Variants in SLK observed in about 807,000 individuals in gnomAD.
The protein encoded by SLK is STE20 like kinase.
In SLK, 67 loss-of-function variants were observed where a neutral mutation model predicts 147.7. That is an observed-to-expected ratio of 0.45 (90% CI 0.37 to 0.56). SLK has a LOEUF of 0.56. SLK is among the 20% of genes least tolerant of loss of function. SLK has a pLI of 0.00. For missense variants in SLK, 1,136 were observed against 1,438.8 expected, an observed-to-expected ratio of 0.79 and a Z score of 3.41; for synonymous variants, 441 against 475.0, an observed-to-expected ratio of 0.93 and a Z score of 0.93.
intron 1 of SLK, among the ~76,000 whole-genome samples, chr10:103,987,431 TTAAG>T (rs1446347637): frequency 6.6e-6 from 1 of 152,318 alleles, no homozygotes; most frequent in Admixed American, 6.5e-5. Context: ...CAGGTTCCTG[TTAAG>T]TGACATTTAG....
intron 1 of SLK, among the ~76,000 whole-genome samples, chr10:103,982,317 C>G (rs1434919177): frequency 6.6e-6 from 1 of 152,144 alleles, no homozygotes; most frequent in Non-Finnish European, 1.5e-5. Context: ...TAAGTCCTTG[C>G]AATAAGCAGG....
intron 4 of SLK, among the ~76,000 whole-genome samples, chr10:103,996,206 A>G (rs1396538634): frequency 1.3e-5 from 2 of 152,102 alleles, no homozygotes; most frequent in Non-Finnish European, 2.9e-5. Flanking sequence ...CTTGGCACAA[A>G]TTTCTTTCCT....
intron 9 of SLK, among the ~76,000 whole-genome samples, chr10:104,004,471 T>G (rs916000947): frequency 1.3e-5 from 2 of 152,190 alleles, no homozygotes; most frequent in African/African-American, 4.8e-5. Flanking sequence ...ATGTGAAGTT[T>G]GGAGGTTAAG....
rs755589615 is a variant in SLK at position 103,998,989 on chromosome 10, T to C, written c.587+18T>C. On this transcript the variant is annotated intron_variant, in intron 5 of 18. Coordinates refer to ENST00000369755, the MANE Select transcript of SLK (RefSeq NM_014720.4). The stretch of plus-strand genomic sequence containing the variant: ...CCATATTGGTATGTATTCAGTTTTA[T>C]GAATTTATAGTATTAGTCATGTCAG... 1 of 1,584,430 alleles carries C rather than the reference T, an allele frequency of 6.3e-7. No individual in the cohort carries two copies. The highest frequency in any genetic ancestry group is 2.2e-5 in the East Asian group (1 of 44,676).
At chr10:103,979,785 C>T (rs1475470526) in intron 1 of SLK, among the ~76,000 whole-genome samples, 1 of 152,140 alleles carries the variant, frequency 6.6e-6, no homozygotes, top group Admixed American at 6.5e-5. Context: ...ATATGAGGCA[C>T]ATATTTTCTT....
intron 13 of SLK, among the ~76,000 whole-genome samples, chr10:104,014,657 T>G (rs1844439892): frequency 6.6e-6 from 1 of 152,216 alleles, no homozygotes; most frequent in Admixed American, 6.5e-5. Flanking sequence ...ATGATCAAAT[T>G]CTATACAAAT....
At chr10:103,973,351 C>T (rs1478483713) in intron 1 of SLK, among the ~76,000 whole-genome samples, 5 of 152,270 alleles carry the variant, frequency 3.3e-5, no homozygotes, top group Admixed American at 1.3e-4. Context: ...CTGCATTCTC[C>T]GTTCTCTTCA....
At chr10:104,017,399 C>T (rs1043434440) in intron 13 of SLK, among the ~76,000 whole-genome samples, 3 of 152,148 alleles carry the variant, frequency 2.0e-5, no homozygotes, top group Admixed American at 6.5e-5. Flanking sequence ...GATATTTCTT[C>T]CTAAAATTCT....
chr10:103,973,435 GCTT>G lies in SLK; in HGVS notation c.150+5545_150+5547del, dbSNP rs759766938. Among the ~76,000 whole-genome samples, 19 of 152,344 alleles carry G rather than the reference GCTT, an allele frequency of 1.2e-4. 1 individual carries two copies. The South Asian group carries it at 3.9e-3, about 32-fold the overall frequency. On this transcript the variant is annotated intron_variant, in intron 1 of 18. Transcript: ENST00000369755. ...GAAAGAATTAAAATAAATTTCTGCTGCTTCTTCAACATAGTTTAGTAGTATTGT... is the reference window on the plus strand; with the variant it reads ...GAAAGAATTAAAATAAATTTCTGCTGCTTCAACATAGTTTAGTAGTATTGT...
intron 1 of SLK, among the ~76,000 whole-genome samples, chr10:103,979,026 AT>A (rs1224491664): frequency 7.1e-6 from 1 of 141,752 alleles, no homozygotes; most frequent in African/African-American, 2.6e-5. Context: ...TAATTTTAAT[AT>A]TTTTTTGAGA....
intron 17 of SLK, 91 bp downstream of exon 17, chr10:104,020,704 G>C: frequency 7.4e-7 from 1 of 1,356,546 alleles, no homozygotes; most frequent in Non-Finnish European, 1.0e-6. Context: ...AAAGTCAACT[G>C]CATCATACAC....
rs549549265 is a variant in SLK at position 103,992,460 on chromosome 10, G to T, written c.316-138G>T. ...TTGTAACTCTTTTGACAAAATCTTCGTTTAGTATATCGTTTCCATAACCAG... is the reference window on the plus strand; with the variant it reads ...TTGTAACTCTTTTGACAAAATCTTCTTTTAGTATATCGTTTCCATAACCAG... On this transcript the variant is annotated intron_variant, in intron 2 of 18. Coordinates refer to ENST00000369755, the MANE Select transcript of SLK (RefSeq NM_014720.4). The T allele has an allele frequency of 8.2e-6, 6 of 730,998 alleles. No individual in the cohort carries two copies. Among genetic ancestry groups the T allele is most frequent in the Non-Finnish European group, 1.3e-5 (6 of 460,504 alleles). The allele number at this position is 730,998 out of a possible 1,614,324, so 45.3% of individuals were successfully genotyped here.
intron 4 of SLK, among the ~76,000 whole-genome samples, chr10:103,996,474 C>G (rs1379558389): frequency 6.7e-6 from 1 of 149,774 alleles, no homozygotes; most frequent in East Asian, 2.0e-4. Context: ...TCTCGGCTCA[C>G]TGCAAGCTCT....
chr10:103,976,977 A>G (rs1221949793), intron 1 of SLK, among the ~76,000 whole-genome samples: 1 of 152,200 alleles, frequency 6.6e-6, no homozygotes, highest in South Asian at 2.1e-4. Context: ...TGTAGGATGC[A>G]TCCCTGACCC....
In SLK at chr10:104,019,717, A is replaced by G. The variant is rs1370859206; in HGVS notation, c.3133-17A>G. ...TATTGTTTCTGCGTCACTGGATTCT[A>G]TTTAAAACTTTCATAGGAAACAGAG... is the stretch of plus-strand genomic sequence containing the variant. On this transcript the variant is annotated splice_polypyrimidine_tract_variant and intron_variant, in intron 15 of 18. Transcript: ENST00000369755. 11 of 1,600,036 alleles carry G rather than the reference A, an allele frequency of 6.9e-6. No homozygotes were observed. The highest frequency in any genetic ancestry group is 1.7e-5 in the Admixed American group (1 of 59,738).
At chr10:104,010,542 C>T (rs1015548055) in intron 12 of SLK, among the ~76,000 whole-genome samples, 5 of 152,140 alleles carry the variant, frequency 3.3e-5, no homozygotes, top group African/African-American at 4.8e-5. Context: ...AGTAATTCTT[C>T]GCTGGTTGTC....
At position 103,999,318 on chromosome 10, in the gene SLK, A is replaced by C. The variant is rs745910405; in HGVS notation, c.782+5A>C. On this transcript the variant is annotated splice_donor_5th_base_variant and intron_variant, in intron 6 of 18. Coordinates refer to ENST00000369755, the MANE Select transcript of SLK (RefSeq NM_014720.4). Reference sequence around the variant, plus strand: ...ATTAGCACAGCCATCCAGATGGTAAAAATATTCTTAAAAAAGCTTAATAAG... The same window carrying C: ...ATTAGCACAGCCATCCAGATGGTAACAATATTCTTAAAAAAGCTTAATAAG... 6.3e-7 allele frequency: 1 copy of C among 1,580,688 alleles called. No individual in the cohort carries two copies. Among genetic ancestry groups the C allele is most frequent in the Non-Finnish European group, 8.6e-7 (1 of 1,166,718 alleles).
At chr10:104,021,318 A>G (rs1201209490) in intron 17 of SLK, among the ~76,000 whole-genome samples, 1 of 152,228 alleles carries the variant, frequency 6.6e-6, no homozygotes, top group Non-Finnish European at 1.5e-5. Context: ...AAATGTATGC[A>G]GGCTGCCTTC....
At chr10:103,998,757 G>T in intron 4 of SLK, 142 bp from the exon 5 acceptor site, 1 of 573,354 alleles carries the variant, frequency 1.7e-6, no homozygotes, top group Non-Finnish European at 3.0e-6. Flanking sequence ...TAAGATGGGA[G>T]AGACATCTTT....
Sources: gnomAD v4.1 joint callset for allele counts (sites outside exome capture counted in the v4.1 genomes callset) on GRCh38, gnomAD v4.1.1 for gene constraint, MANE v1.5 for transcripts, NCBI Gene and HGNC (gene_info 2026-07-23, HGNC 2026-07-21) for gene names.